NKAIN3: variants seen among roughly 807,000 people sequenced by gnomAD.
NKAIN3 encodes sodium/potassium-transporting ATPase subunit beta-1-interacting protein 3.
A neutral mutation model predicts 30.2 loss-of-function variants in NKAIN3; 25 were observed. The ratio of observed to expected loss-of-function variants is 0.83; its 90% CI spans 0.60 to 1.16. The LOEUF is 1.16. NKAIN3 is among the 50% of genes most tolerant of loss of function. The pLI is 0.00. For missense variants in NKAIN3, 225 were observed against 254.1 expected, an observed-to-expected ratio of 0.89 and a Z score of 0.78; for synonymous variants, 91 against 89.6, an observed-to-expected ratio of 1.02 and a Z score of -0.09.
At chr8:62,873,771 G>A (rs1820714722) in intron 4 of NKAIN3, among the ~76,000 whole-genome samples, 1 of 151,922 alleles carries the variant, frequency 6.6e-6, no homozygotes, top group South Asian at 2.1e-4. Flanking sequence ...AAATCAAGAA[G>A]TTCTTTGAAA....
intron 4 of NKAIN3, among the ~76,000 whole-genome samples, chr8:62,811,031 A>G (rs1818468967): frequency 1.3e-5 from 2 of 152,032 alleles, no homozygotes; most frequent in Admixed American, 1.3e-4. Flanking sequence ...GCTCTTTTAT[A>G]ACTATATCCC....
chr8:62,849,129 T>G (rs1819782605), intron 4 of NKAIN3, among the ~76,000 whole-genome samples: 1 of 152,092 alleles, frequency 6.6e-6, no homozygotes, highest in African/African-American at 2.4e-5. Context: ...TTTCCTTTTT[T>G]GTCATATCTC....
At chr8:62,912,925 G>GA (rs1412079453) in intron 4 of NKAIN3, among the ~76,000 whole-genome samples, 2 of 151,892 alleles carry the variant, frequency 1.3e-5, no homozygotes, top group Non-Finnish European at 2.9e-5. Flanking sequence ...AAAAAGGAAA[G>GA]AAAAAACTGA....
chr8:62,886,329 T>C (rs1821146274), intron 4 of NKAIN3, among the ~76,000 whole-genome samples: 2 of 152,082 alleles, frequency 1.3e-5, no homozygotes, highest in East Asian at 1.9e-4. Flanking sequence ...TTTATTTTAC[T>C]CATACAGAAG....
chr8:62,890,616 C>T (rs1821271768), intron 4 of NKAIN3, among the ~76,000 whole-genome samples: 1 of 152,216 alleles, frequency 6.6e-6, no homozygotes, highest in Admixed American at 6.5e-5. Context: ...AAAGAATTAG[C>T]ATTCCATACT....
chr8:62,621,420 C>A (rs1448984752), intron 3 of NKAIN3, among the ~76,000 whole-genome samples: 6 of 152,092 alleles, frequency 3.9e-5, no homozygotes, highest in South Asian at 4.1e-4. Flanking sequence ...AAAGAAAAAT[C>A]TATCTTTCTT....
chr8:62,506,472 C>CTTTTTTTT (rs1807643218), intron 1 of NKAIN3, among the ~76,000 whole-genome samples: 1 of 61,986 alleles, frequency 1.6e-5, no homozygotes, highest in South Asian at 7.2e-4. Context: ...TTTTTTCTTT[C>CTTTTTTTT]TTTCTTTTTT....
Position 62,474,632 on chromosome 8 carries a change from A to G in NKAIN3, c.55-104907A>G, listed in dbSNP as rs1194921815. 2.6e-5 allele frequency among the ~76,000 whole-genome samples: 4 copies of G among 152,222 alleles called. No individual in the cohort carries two copies. In the East Asian group the frequency reaches 7.7e-4, roughly 29 times the overall value. ...TTTTAAGTGCTAAAACACAAAAACTAAACAATATCATCAATCTAAAATGTT... is the reference window on the plus strand; with the variant it reads ...TTTTAAGTGCTAAAACACAAAAACTGAACAATATCATCAATCTAAAATGTT... On this transcript the variant is annotated intron_variant, in intron 1 of 6. Transcript: ENST00000623646.
chr8:62,751,875 C>T (rs1021012), intron 4 of NKAIN3, among the ~76,000 whole-genome samples: 80,859 of 150,474 alleles, frequency 0.54, 23,698 homozygotes, highest in Non-Finnish European at 0.67. Flanking sequence ...AGTCCTCTCC[C>T]ACTCACTCCC....
At chr8:62,563,074 G>T (rs1043638053) in intron 1 of NKAIN3, among the ~76,000 whole-genome samples, 1 of 152,092 alleles carries the variant, frequency 6.6e-6, no homozygotes, top group African/African-American at 2.4e-5. Context: ...GTGCTCTCAG[G>T]TTCATTATGG....
intron 1 of NKAIN3, among the ~76,000 whole-genome samples, chr8:62,330,156 G>A (rs1376478610): frequency 1.3e-5 from 2 of 152,052 alleles, no homozygotes; most frequent in East Asian, 1.9e-4. Flanking sequence ...TTGAGGTTAG[G>A]GAGAGGTGAG....
intron 1 of NKAIN3, among the ~76,000 whole-genome samples, chr8:62,533,037 G>A (rs767062369): frequency 6.6e-6 from 1 of 152,168 alleles, no homozygotes; most frequent in Non-Finnish European, 1.5e-5. Flanking sequence ...CAAACAAAAT[G>A]CTCTGACATT....
intron 3 of NKAIN3, among the ~76,000 whole-genome samples, chr8:62,735,171 C>T (rs1815606991): frequency 6.6e-6 from 1 of 152,104 alleles, no homozygotes; most frequent in Non-Finnish European, 1.5e-5. Context: ...GGGAAGTTTT[C>T]CTTGACTATT....
intron 4 of NKAIN3, among the ~76,000 whole-genome samples, chr8:62,917,930 G>C (rs1173418793): frequency 1.3e-5 from 2 of 152,194 alleles, no homozygotes; most frequent in African/African-American, 4.8e-5. Context: ...TCACCAGCAA[G>C]TTAACGTGTT....
In NKAIN3 at chr8:62,579,441, A is replaced by G. The variant is rs114815928; in HGVS notation, c.55-98A>G. 641 of 854,770 alleles carry G rather than the reference A, an allele frequency of 7.5e-4. 1 individual carries two copies. In the African/African-American group the frequency reaches 9.0e-3, roughly 12 times the overall value. 52.9% of individuals were successfully genotyped at this position (854,770 alleles called of 1,614,324 possible). ...ATAACGGTGACAAAAAGTGTGATTGAAGTTGAATATGCAGACTCCTCCAGC... is the reference window on the plus strand; with the variant it reads ...ATAACGGTGACAAAAAGTGTGATTGGAGTTGAATATGCAGACTCCTCCAGC... On this transcript the variant is annotated intron_variant, in intron 1 of 6. Coordinates refer to ENST00000623646, the MANE Select transcript of NKAIN3 (RefSeq NM_001304533.3).
At chr8:62,919,226 A>ATTTTTTTTT (rs1415475110) in intron 5 of NKAIN3, among the ~76,000 whole-genome samples, 28 of 88,420 alleles carry the variant, frequency 3.2e-4, no homozygotes, top group African/African-American at 5.4e-4. Context: ...TTACTTTCAA[A>ATTTTTTTTT]ATTTTTTTTT....
chr8:62,548,411 T>A (rs1809085530), intron 1 of NKAIN3, among the ~76,000 whole-genome samples: 1 of 152,164 alleles, frequency 6.6e-6, no homozygotes, highest in African/African-American at 2.4e-5. Flanking sequence ...CAGGACTCAG[T>A]CTGCCCCTGT....
At chr8:62,646,666 C>A (rs970024902) in intron 3 of NKAIN3, among the ~76,000 whole-genome samples, 2 of 152,026 alleles carry the variant, frequency 1.3e-5, no homozygotes, top group Non-Finnish European at 2.9e-5. Context: ...AATATGAGCC[C>A]GTATTACATT....
At chr8:62,458,319 T>C (rs541884270) in intron 1 of NKAIN3, among the ~76,000 whole-genome samples, 5 of 152,318 alleles carry the variant, frequency 3.3e-5, no homozygotes, top group African/African-American at 1.2e-4. Flanking sequence ...AGATGGACCA[T>C]GTGTAAATAA....
Sources: gnomAD v4.1 joint callset for allele counts (sites outside exome capture counted in the v4.1 genomes callset) on GRCh38, gnomAD v4.1.1 for gene constraint, MANE v1.5 for transcripts, NCBI Gene and HGNC (gene_info 2026-07-23, HGNC 2026-07-21) for gene names.